Variants in DYNC2H1 observed in about 807,000 individuals in gnomAD.
The protein encoded by DYNC2H1 is dynein cytoplasmic 2 heavy chain 1, also known as cytoplasmic dynein 2 heavy chain 1.
Under a neutral mutation model 570.0 loss-of-function variants are expected in DYNC2H1, and 410 were observed. That is an observed-to-expected ratio of 0.72 (90% CI 0.66 to 0.78). DYNC2H1 has a LOEUF of 0.78. DYNC2H1 is among the 30% of genes least tolerant of loss of function. The pLI is 0.00. For missense variants in DYNC2H1, 4,865 were observed against 5,046.4 expected (o/e 0.96, Z 1.09); for synonymous variants, 1,688 against 1,677.6 (o/e 1.01, Z -0.15).
chr11:103,441,881 T>C (rs1239677881), intron 85 of DYNC2H1, among the ~76,000 whole-genome samples: 1 of 152,176 alleles, frequency 6.6e-6, no homozygotes, highest in Non-Finnish European at 1.5e-5. Context: ...TCTTACTGTA[T>C]TTTGGAAGGT....
chr11:103,210,516 T>A (rs968694025), intron 53 of DYNC2H1, among the ~76,000 whole-genome samples: 1 of 152,052 alleles, frequency 6.6e-6, no homozygotes, highest in African/African-American at 2.4e-5. Context: ...GGCTGGATAT[T>A]AGAGATCACT....
chr11:103,295,629 C>T (rs1485780435), intron 75 of DYNC2H1, among the ~76,000 whole-genome samples: 2 of 152,190 alleles, frequency 1.3e-5, no homozygotes, highest in African/African-American at 4.8e-5. Flanking sequence ...GCCACCTGGG[C>T]ACCATAGTGA....
In DYNC2H1 at chr11:103,388,616, T is replaced by C. The variant is rs201984016; in HGVS notation, c.12157-11047T>C. 3.0e-3 allele frequency among the ~76,000 whole-genome samples: 450 copies of C among 152,326 alleles called. 5 individuals carry two copies. The East Asian group carries it at 0.036, about 12-fold the overall frequency. On this transcript the variant is annotated intron_variant, in intron 83 of 88. Transcript: ENST00000375735. ...AGGGAATGCTTCCAGTTTTTGCCCA[T>C]TCAGTATGATATTGGCTGTGGGTTT...
intron 36 of DYNC2H1, 133 bp downstream of exon 36, chr11:103,174,303 T>A: frequency 1.7e-6 from 1 of 582,142 alleles, no homozygotes; most frequent in East Asian, 3.0e-5. Context: ...CAATTTCTAC[T>A]GTTGTTAACA....
In DYNC2H1 at chr11:103,244,465, A is replaced by G. The variant is rs554186999; in HGVS notation, c.9918+674A>G. The stretch of plus-strand genomic sequence containing the variant: ...CTTGTAAAATGGGGATATCTACCTT[A>G]TTTTTTGTGTGATAAGAATAATTAT... On this transcript the variant is annotated intron_variant, in intron 64 of 88. Coordinates refer to ENST00000375735, the MANE Select transcript of DYNC2H1 (RefSeq NM_001377.3). The surrounding 1 kb of genome is among the most constrained non-coding windows in gnomAD (Gnocchi z 4.3). Among the ~76,000 whole-genome samples the G allele has an allele frequency of 2.0e-5, 3 of 150,830 alleles. No homozygotes were observed. Among genetic ancestry groups the G allele is most frequent in the African/African-American group, 7.2e-5 (3 of 41,406 alleles).
chr11:103,175,147 C>T (rs990657786), intron 36 of DYNC2H1, among the ~76,000 whole-genome samples: 7 of 152,018 alleles, frequency 4.6e-5, no homozygotes, highest in African/African-American at 7.3e-5. Flanking sequence ...TGGAGGTATA[C>T]GTTCATGAAA....
At chr11:103,224,121 T>G (rs1851255319) in intron 59 of DYNC2H1, among the ~76,000 whole-genome samples, 1 of 152,122 alleles carries the variant, frequency 6.6e-6, no homozygotes, top group Admixed American at 6.6e-5. Flanking sequence ...TCCAAAACAG[T>G]GTGTGGGCAG....
At chr11:103,411,788 T>A (rs1280343596) in intron 84 of DYNC2H1, among the ~76,000 whole-genome samples, 3 of 152,116 alleles carry the variant, frequency 2.0e-5, no homozygotes, top group Admixed American at 6.6e-5. Flanking sequence ...TTAATTAACA[T>A]GTATTTATGT....
intron 88 of DYNC2H1, among the ~76,000 whole-genome samples, chr11:103,468,992 T>G (rs1174297078): frequency 6.6e-6 from 1 of 152,232 alleles, no homozygotes; most frequent in Non-Finnish European, 1.5e-5. Context: ...CTACCATGTG[T>G]TGCATTCCTC....
At chr11:103,357,238 A>C (rs1262094195) in intron 82 of DYNC2H1, among the ~76,000 whole-genome samples, 6 of 152,164 alleles carry the variant, frequency 3.9e-5, no homozygotes, top group Non-Finnish European at 8.8e-5. Context: ...TATTTTAGAA[A>C]AAAAAGTGAG....
chr11:103,279,933 A>G (rs2135334854), intron 70 of DYNC2H1, among the ~76,000 whole-genome samples: 1 of 152,306 alleles, frequency 6.6e-6, no homozygotes, highest in African/African-American at 2.4e-5. Context: ...GTAAGGAGAA[A>G]ATAGTTGTCA....
intron 83 of DYNC2H1, among the ~76,000 whole-genome samples, chr11:103,389,286 T>C (rs915268978): frequency 1.3e-5 from 2 of 152,176 alleles, no homozygotes; most frequent in Non-Finnish European, 2.9e-5. Context: ...AGTTTATTTG[T>C]GTAGAGGTGT....
At chr11:103,359,780 TC>T (rs1940546861) in intron 83 of DYNC2H1, among the ~76,000 whole-genome samples, 1 of 151,364 alleles carries the variant, frequency 6.6e-6, no homozygotes, top group South Asian at 2.1e-4. Flanking sequence ...TTCTCCTGCC[TC>T]AGCCACCCGA....
Position 103,256,430 on chromosome 11 carries a change from G to A in DYNC2H1, c.10461+190G>A, listed in dbSNP as rs1444698670. ...GGAATTCAGATGTTGGCACACTGAG[G>A]ATAAGGAGTGTTTGTCAGTATACCC... On this transcript the variant is annotated intron_variant, in intron 68 of 88. Transcript: ENST00000375735. The surrounding 1 kb of genome is among the most constrained non-coding windows in gnomAD (Gnocchi z 4.0). Among the ~76,000 whole-genome samples the A allele has an allele frequency of 6.6e-6, 1 of 152,116 alleles. No individual in the cohort carries two copies. The highest frequency in any genetic ancestry group is 2.4e-5 in the African/African-American group (1 of 41,420).
intron 81 of DYNC2H1, among the ~76,000 whole-genome samples, chr11:103,323,534 T>G (rs1938321667): frequency 6.6e-6 from 1 of 151,904 alleles, no homozygotes; most frequent in African/African-American, 2.4e-5. Context: ...TGCAGATTGG[T>G]CTTTGGTAAG....
In DYNC2H1 at chr11:103,177,520, T is replaced by C. The variant is rs61899764; in HGVS notation, c.5875-36T>C. On this transcript the variant is annotated intron_variant, in intron 37 of 88. Transcript: ENST00000375735. The surrounding 1 kb of genome is among the most constrained non-coding windows in gnomAD (Gnocchi z 4.4). ...AGCAGAACTAAGTATGATTGAATATTATAAATCATATATGAACATATTTCT... is the reference window on the plus strand; with the variant it reads ...AGCAGAACTAAGTATGATTGAATATCATAAATCATATATGAACATATTTCT... 177,815 of 1,563,014 alleles carry C rather than the reference T, an allele frequency of 0.11. 10,808 individuals are homozygous for C. The highest frequency in any genetic ancestry group is 0.12 in the Non-Finnish European group (138,951 of 1,156,276).
At chr11:103,309,056 C>T (rs922219694) in intron 78 of DYNC2H1, among the ~76,000 whole-genome samples, 3 of 151,542 alleles carry the variant, frequency 2.0e-5, no homozygotes, top group African/African-American at 7.3e-5. Context: ...CCAACCCAAA[C>T]CTTATATAGC....
intron 82 of DYNC2H1, among the ~76,000 whole-genome samples, chr11:103,356,454 A>AT (rs1565523152): frequency 6.6e-6 from 1 of 152,160 alleles, no homozygotes; most frequent in Non-Finnish European, 1.5e-5. Flanking sequence ...CTTAAAACAG[A>AT]TTTTAACATC....
rs1409422406 is a variant in DYNC2H1 at position 103,186,290 on chromosome 11, G to T, written c.6682G>T (p.Asp2228Tyr). The change falls in exon 42 of 89, where the codon GAT becomes TAT. Residue 2228 changes from aspartate to tyrosine, a missense_variant. Transcript: ENST00000375735. This position sits in a 1 kb window ranked among gnomAD's most constrained non-coding sequence, Gnocchi z 4.5. ...TCCTCCAGACTTTCACAAACCTATGGATACCTACTATGACTCTACTAGGGG... is the reference window on the plus strand; with the variant it reads ...TCCTCCAGACTTTCACAAACCTATGTATACCTACTATGACTCTACTAGGGG... ...ESPPDFHKPMDTYYDSTRGRL... is the reference protein window; with the variant it reads ...ESPPDFHKPMYTYYDSTRGRL... The T allele has an allele frequency of 6.2e-7, 1 of 1,612,246 alleles. No individual in the cohort carries two copies. The highest frequency in any genetic ancestry group is 2.2e-5 in the East Asian group (1 of 44,768).
Sources: allele counts gnomAD v4.1 joint callset (sites outside exome capture counted in the v4.1 genomes callset), GRCh38; gene constraint gnomAD v4.1.1; non-coding constraint Gnocchi (gnomAD v3.1); transcripts MANE v1.5; gene names NCBI Gene and HGNC (gene_info 2026-07-23, HGNC 2026-07-21).